The following VPS4B variants were observed in gnomAD, a reference collection of about 807,000 sequenced individuals.
The protein encoded by VPS4B is vacuolar protein sorting 4 homolog B.
VPS4B carries 23 observed loss-of-function variants against 56.1 expected under a neutral mutation model. That is an observed-to-expected ratio of 0.41 (90% CI 0.30 to 0.58). The LOEUF (loss-of-function observed/expected upper bound fraction) is 0.58. Among genes scored for constraint, VPS4B ranks in the 20% least tolerant of loss-of-function variants. The pLI is 0.29. For missense variants in VPS4B, 372 were observed against 531.9 expected, an observed-to-expected ratio of 0.70 and a Z score of 2.96; for synonymous variants, 177 against 186.0, an observed-to-expected ratio of 0.95 and a Z score of 0.39.
At position 63,397,112 on chromosome 18, in the gene VPS4B, C is replaced by T. The variant is rs2144413904; in HGVS notation, c.1014G>A (p.Gly338=). 3.1e-6 allele frequency: 5 copies of T among 1,614,110 alleles called. No individual in the cohort carries two copies. The highest frequency in any genetic ancestry group is 4.2e-6 in the Non-Finnish European group (5 of 1,180,022). ...ELGRKTDGYS[G]ADISIIVRDA... ...CACGTACAATGATACTTATATCTGCCCCTGAATAACCATCTGTTTTCCTCC... is the reference window on the plus strand; with the variant it reads ...CACGTACAATGATACTTATATCTGCTCCTGAATAACCATCTGTTTTCCTCC... The change falls in exon 9 of 11, where the codon GGG becomes GGA. Residue 338 remains glycine, a synonymous_variant. Transcript: ENST00000238497.
intron 1 of VPS4B, among the ~76,000 whole-genome samples, chr18:63,412,783 T>C (rs1916073600): frequency 6.6e-6 from 1 of 152,062 alleles, no homozygotes; most frequent in African/African-American, 2.4e-5. Flanking sequence ...TGCATCAGCC[T>C]CCCCAAATAG....
Position 63,419,613 on chromosome 18 carries a change from G to A in VPS4B, c.27+2620C>T, listed in dbSNP as rs541242664. 2.2e-5 allele frequency among the ~76,000 whole-genome samples: 3 copies of A among 139,174 alleles called. No individual in the cohort carries two copies. In the South Asian group the frequency reaches 7.6e-4, roughly 35 times the overall value. 91.3% of individuals were successfully genotyped at this position (139,174 alleles called of 152,430 possible). On this transcript the variant is annotated intron_variant, in intron 1 of 10. Coordinates refer to ENST00000238497, the MANE Select transcript of VPS4B (RefSeq NM_004869.4). ...ACTGTAATAAAAGTGATGTGAATGT[G>A]GTTTCTCTCTCTCAACATCTTATTG...
rs755866565 is a variant in VPS4B, at chr18:63,390,986, G to A, written c.1324C>T (p.Gln442Ter). 5 of 1,610,658 alleles carry A rather than the reference G, an allele frequency of 3.1e-6. No individual in the cohort carries two copies. In the South Asian group the frequency reaches 5.5e-5, roughly 18 times the overall value. ...KLKKFTEDFGQEG is the reference protein window; with the variant it reads ...KLKKFTEDFG Reference sequence around the variant, plus strand: ...TCCTTGTCTTTGGCTTAGCCTTCTTGACCAAAATCTTCTGTAAACTTCTTT... The same window carrying A: ...TCCTTGTCTTTGGCTTAGCCTTCTTAACCAAAATCTTCTGTAAACTTCTTT... Residue 442 changes from glutamine (Q) to a stop codon, truncating the protein, a stop_gained, in exon 11 of 11, where the codon CAA (glutamine) becomes TAA (stop). Transcript: ENST00000238497. LOFTEE classifies it high-confidence loss of function.
rs535828538 is a variant in VPS4B, at chr18:63,395,025, T to C, written c.1093-1476A>G. On this transcript the variant is annotated intron_variant, in intron 9 of 10. Coordinates refer to ENST00000238497, the MANE Select transcript of VPS4B (RefSeq NM_004869.4). ...AAAAAATAAACAGGGAATCTTCTTC[T>C]TGTTAACTGAAATAATCAGCTTTAA... 1.1e-4 allele frequency among the ~76,000 whole-genome samples: 16 copies of C among 152,298 alleles called. No homozygotes were observed. In the South Asian group the frequency reaches 3.1e-3, roughly 30 times the overall value.
chr18:63,414,145 G>A (rs918320399), intron 1 of VPS4B, among the ~76,000 whole-genome samples: 4 of 151,310 alleles, frequency 2.6e-5, no homozygotes, highest in African/African-American at 9.7e-5. Context: ...AGTATGGGAG[G>A]CCGAGGAGGG....
At chr18:63,402,393 A>G (rs1399927512) in intron 5 of VPS4B, among the ~76,000 whole-genome samples, 1 of 152,192 alleles carries the variant, frequency 6.6e-6, no homozygotes, top group Non-Finnish European at 1.5e-5. Context: ...GTCGAGAGAG[A>G]GAGATGACCT....
At chr18:63,420,767 C>T (rs569880699) in intron 1 of VPS4B, among the ~76,000 whole-genome samples, 4 of 152,062 alleles carry the variant, frequency 2.6e-5, no homozygotes, top group African/African-American at 9.6e-5. Flanking sequence ...CATCCGGGCA[C>T]GGTGACTCAC....
intron 9 of VPS4B, among the ~76,000 whole-genome samples, chr18:63,394,998 G>A (rs1915638146): frequency 6.6e-6 from 1 of 152,046 alleles, no homozygotes; most frequent in Non-Finnish European, 1.5e-5. Context: ...ACTAGTAAAT[G>A]CAAAAAATAA....
chr18:63,420,433 G>A (rs1916270569), intron 1 of VPS4B, among the ~76,000 whole-genome samples: 1 of 152,118 alleles, frequency 6.6e-6, no homozygotes, highest in African/African-American at 2.4e-5. Context: ...GGGCAACAGA[G>A]CAAGACTGTC....
intron 3 of VPS4B, among the ~76,000 whole-genome samples, chr18:63,408,998 T>C (rs771649158): frequency 5.3e-5 from 8 of 152,186 alleles, no homozygotes; most frequent in Non-Finnish European, 1.2e-4. Flanking sequence ...TTCTTCCCAA[T>C]ATTTTCACTT....
At chr18:63,403,678 G>A (rs1211016427) in intron 5 of VPS4B, 29 bp downstream of exon 5, 1 of 1,578,334 alleles carries the variant, frequency 6.3e-7, no homozygotes, top group Non-Finnish European at 8.6e-7. Flanking sequence ...ACAAACTCAT[G>A]AAATAAAATT....
chr18:63,392,538 T>C (rs1915573154), intron 10 of VPS4B, among the ~76,000 whole-genome samples: 1 of 151,596 alleles, frequency 6.6e-6, no homozygotes, highest in Non-Finnish European at 1.5e-5. Context: ...AACCTCCGCC[T>C]CCTGGGTTCA....
chr18:63,412,825 C>T (rs760984540), intron 1 of VPS4B, among the ~76,000 whole-genome samples: 9 of 151,978 alleles, frequency 5.9e-5, no homozygotes, highest in Admixed American at 1.3e-4. Context: ...CCGCACCCAG[C>T]TAAAACTTTT....
In VPS4B at chr18:63,390,972, G is replaced by A; in HGVS notation, c.*3C>T. On this transcript the variant is annotated 3_prime_UTR_variant, in exon 11 of 11. Coordinates refer to ENST00000238497, the MANE Select transcript of VPS4B (RefSeq NM_004869.4). ...TATGGTAAGCATCTTCCTTGTCTTTGGCTTAGCCTTCTTGACCAAAATCTT... is the reference window on the plus strand; with the variant it reads ...TATGGTAAGCATCTTCCTTGTCTTTAGCTTAGCCTTCTTGACCAAAATCTT... The A allele has an allele frequency of 6.3e-7, 1 of 1,580,228 alleles. No individual in the cohort carries two copies. Among genetic ancestry groups the A allele is most frequent in the Non-Finnish European group, 8.7e-7 (1 of 1,150,134 alleles).
Position 63,413,359 on chromosome 18 carries a change from T to C in VPS4B, c.28-1781A>G, listed in dbSNP as rs1230822913. The stretch of plus-strand genomic sequence containing the variant: ...TTTGCGACCAGCGTGGGCAACACAG[T>C]GAAACCCCGTCTCTACTAAAACACA... On this transcript the variant is annotated intron_variant, in intron 1 of 10. Transcript: ENST00000238497. 2.6e-5 allele frequency among the ~76,000 whole-genome samples: 4 copies of C among 152,046 alleles called. No individual in the cohort carries two copies. In the South Asian group the frequency reaches 8.3e-4, roughly 32 times the overall value.
intron 2 of VPS4B, 97 bp from the exon 3 acceptor site, chr18:63,410,543 A>G (rs1002167288): frequency 2.1e-6 from 3 of 1,454,132 alleles, no homozygotes; most frequent in Non-Finnish European, 2.8e-6. Context: ...AGGAAATTCT[A>G]TGTTGGAAGA....
intron 7 of VPS4B, 39 bp from the exon 8 acceptor site, chr18:63,399,362 T>C (rs1915759947): frequency 1.3e-6 from 2 of 1,569,882 alleles, no homozygotes; most frequent in Non-Finnish European, 1.8e-6. Flanking sequence ...AATTTGTCAT[T>C]TTGGTGTTCT....
Position 63,390,880 on chromosome 18 carries a change from A to G in VPS4B, c.*95T>C, listed in dbSNP as rs2144406961. On this transcript the variant is annotated 3_prime_UTR_variant, in exon 11 of 11. Coordinates refer to ENST00000238497, the MANE Select transcript of VPS4B (RefSeq NM_004869.4). ...TGAGATGTGTATTTCCCTGTGGTAA[A>G]AGAGTTTTACTGGAAACAATTAATG... 1 of 821,634 alleles carries G rather than the reference A, an allele frequency of 1.2e-6. No homozygotes were observed. Among genetic ancestry groups the G allele is most frequent in the Non-Finnish European group, 1.9e-6 (1 of 513,152 alleles). 50.9% of individuals were successfully genotyped at this position (821,634 alleles called of 1,614,324 possible).
rs1371855334 is a variant in VPS4B, at chr18:63,397,219, G to A, written c.907C>T (p.Pro303Ser). Residue 303 changes from proline (P) to serine (S), a missense_variant, in exon 9 of 11, where the codon CCC becomes TCC. Pro to Ser is a moderately conservative substitution (Grantham distance 74, BLOSUM62 -1). Transcript: ENST00000238497. ...EKRIYIPLPE[P>S]HARAAMFKLH... is the part of the protein sequence containing the mutation. ...TTAAACATTGCTGCTCGGGCATGGG[G>A]TTCCGGCAAGGGAATATAAATTCGT... 1.9e-6 allele frequency: 3 copies of A among 1,612,420 alleles called. No individual in the cohort carries two copies. Among genetic ancestry groups the A allele is most frequent in the South Asian group, 1.1e-5 (1 of 90,642 alleles).
Sources: gnomAD v4.1 joint callset for allele counts (sites outside exome capture counted in the v4.1 genomes callset) on GRCh38, gnomAD v4.1.1 for gene constraint, MANE v1.5 for transcripts, NCBI Gene and HGNC (gene_info 2026-07-23, HGNC 2026-07-21) for gene names.